The following NKAIN2 variants were observed in gnomAD, a reference collection of about 807,000 sequenced individuals.
The protein encoded by NKAIN2 is sodium/potassium-transporting ATPase subunit beta-1-interacting protein 2.
Under a neutral mutation model 32.6 loss-of-function variants are expected in NKAIN2, and 14 were observed. The ratio of observed to expected loss-of-function variants is 0.43; its 90% CI spans 0.28 to 0.67. The LOEUF (loss-of-function observed/expected upper bound fraction) is 0.67. Ranked by LOEUF, NKAIN2 falls within the 30% of genes least tolerant of loss-of-function variation. The probability of loss-of-function intolerance (pLI) is 0.17; values close to 1 mark genes in which losing one functional copy is unlikely to be tolerated. For synonymous variants in NKAIN2, 80 were observed against 87.2 expected (o/e 0.92, Z 0.46); for missense variants, 198 against 258.3 (o/e 0.77, Z 1.60).
intron 5 of NKAIN2, among the ~76,000 whole-genome samples, chr6:124,817,226 TTA>T (rs959439319): frequency 9.9e-5 from 15 of 152,164 alleles, no homozygotes; most frequent in African/African-American, 3.6e-4. Flanking sequence ...TCTTAAAACA[TTA>T]TGAGATTTTT....
intron 3 of NKAIN2, among the ~76,000 whole-genome samples, chr6:124,406,847 A>G (rs1562162031): frequency 1.3e-5 from 2 of 152,108 alleles, no homozygotes; most frequent in Admixed American, 6.6e-5. Flanking sequence ...CATCTTCTCA[A>G]GTGCTACTTT....
chr6:124,532,984 G>A lies in NKAIN2; in HGVS notation c.274-125202G>A, dbSNP rs529115001. Among the ~76,000 whole-genome samples the A allele has an allele frequency of 1.7e-4, 26 of 152,288 alleles. 1 individual carries two copies. In the South Asian group the frequency reaches 5.0e-3, roughly 29 times the overall value. ...GGAGCTGGGTTTGCTTCCTGGTGAT[G>A]AGGCGCTGTGCTCAGGGTGGGGTTA... On this transcript the variant is annotated intron_variant, in intron 3 of 6. Coordinates refer to ENST00000368417, the MANE Select transcript of NKAIN2 (RefSeq NM_001040214.3).
chr6:124,696,295 CAG>C (rs1184414586), intron 4 of NKAIN2, among the ~76,000 whole-genome samples: 2 of 152,136 alleles, frequency 1.3e-5, no homozygotes, highest in Admixed American at 6.5e-5. Flanking sequence ...AGGAGAAGCT[CAG>C]AGAGAGAGTT....
chr6:124,498,056 A>T (rs1175096312), intron 3 of NKAIN2, among the ~76,000 whole-genome samples: 1 of 152,140 alleles, frequency 6.6e-6, no homozygotes, highest in Non-Finnish European at 1.5e-5. Flanking sequence ...AAGAATATAT[A>T]TAGTTGAGAA....
intron 3 of NKAIN2, among the ~76,000 whole-genome samples, chr6:124,511,378 T>G (rs1778706160): frequency 6.6e-6 from 1 of 152,202 alleles, no homozygotes; most frequent in Non-Finnish European, 1.5e-5. Context: ...GTTCAGGATG[T>G]TTTTCTTCAA....
At chr6:124,811,726 C>T (rs1168441476) in intron 5 of NKAIN2, among the ~76,000 whole-genome samples, 1 of 152,102 alleles carries the variant, frequency 6.6e-6, no homozygotes, top group East Asian at 1.9e-4. Flanking sequence ...AAAATGATAG[C>T]ATTCCAAGTT....
intron 3 of NKAIN2, among the ~76,000 whole-genome samples, chr6:124,418,540 G>A (rs1190599071): frequency 6.8e-6 from 1 of 146,250 alleles, no homozygotes; most frequent in Non-Finnish European, 1.5e-5. Flanking sequence ...AAACAAAAGG[G>A]ATTATATATT....
chr6:124,817,318 C>T (rs1334537426), intron 5 of NKAIN2, among the ~76,000 whole-genome samples: 2 of 151,900 alleles, frequency 1.3e-5, no homozygotes, highest in Admixed American at 6.6e-5. Context: ...TCTTCTTCTT[C>T]TAATGTGGCC....
At chr6:124,098,359 T>A (rs1174310686) in intron 1 of NKAIN2, among the ~76,000 whole-genome samples, 1 of 152,160 alleles carries the variant, frequency 6.6e-6, no homozygotes, top group African/African-American at 2.4e-5. Flanking sequence ...TCAACAGATT[T>A]AACTTCAAGC....
chr6:124,583,307 T>G (rs1244701548), intron 3 of NKAIN2, among the ~76,000 whole-genome samples: 1 of 148,776 alleles, frequency 6.7e-6, no homozygotes, highest in African/African-American at 2.5e-5. Context: ...TAAAAATCAG[T>G]AGCATTTATA....
At chr6:124,469,561 T>A (rs1776891860) in intron 3 of NKAIN2, among the ~76,000 whole-genome samples, 1 of 152,206 alleles carries the variant, frequency 6.6e-6, no homozygotes, top group Non-Finnish European at 1.5e-5. Context: ...GGTCCTTTTT[T>A]ATTTTGCTAA....
chr6:124,791,116 A>G (rs1366352547), intron 4 of NKAIN2, among the ~76,000 whole-genome samples: 2 of 152,172 alleles, frequency 1.3e-5, no homozygotes, highest in Non-Finnish European at 2.9e-5. Context: ...TCTTACACAT[A>G]AATGCAGGTC....
At chr6:124,338,352 C>G (rs1307296700) in intron 2 of NKAIN2, among the ~76,000 whole-genome samples, 2 of 152,100 alleles carry the variant, frequency 1.3e-5, no homozygotes, top group African/African-American at 4.8e-5. Context: ...TTTAAGGGAG[C>G]AATGATAGGT....
At chr6:124,268,656 TCAAAG>T (rs1794612112) in intron 1 of NKAIN2, among the ~76,000 whole-genome samples, 1 of 151,872 alleles carries the variant, frequency 6.6e-6, no homozygotes, top group African/African-American at 2.4e-5. Context: ...AAATCATACT[TCAAAG>T]CAAAATATAA....
chr6:124,085,448 AG>A (rs1784153045), intron 1 of NKAIN2, among the ~76,000 whole-genome samples: 1 of 151,746 alleles, frequency 6.6e-6, no homozygotes, highest in African/African-American at 2.4e-5. Context: ...GAAAAGTTGG[AG>A]GATAGGTAGG....
intron 1 of NKAIN2, among the ~76,000 whole-genome samples, chr6:124,192,785 T>A (rs1219118974): frequency 1.4e-5 from 2 of 140,246 alleles, no homozygotes; most frequent in Non-Finnish European, 3.1e-5. Flanking sequence ...AGTCTCGCTC[T>A]GTCGCCCAGG....
chr6:124,145,650 T>C (rs1333338960), intron 1 of NKAIN2, among the ~76,000 whole-genome samples: 1 of 151,838 alleles, frequency 6.6e-6, no homozygotes, highest in African/African-American at 2.4e-5. Context: ...GGACTACAGG[T>C]GCCCGCCACC....
At chr6:124,063,134 G>A (rs1252729265) in intron 1 of NKAIN2, among the ~76,000 whole-genome samples, 4 of 151,690 alleles carry the variant, frequency 2.6e-5, no homozygotes, top group Non-Finnish European at 5.9e-5. Flanking sequence ...GCAGTGAGCC[G>A]AGATCATGCC....
chr6:123,930,945 G>C (rs1040647653), intron 1 of NKAIN2, among the ~76,000 whole-genome samples: 1 of 152,116 alleles, frequency 6.6e-6, no homozygotes. Context: ...ATTCTGGACA[G>C]TCATAATCTC....
Sources: allele counts gnomAD v4.1 joint callset (sites outside exome capture counted in the v4.1 genomes callset), GRCh38; gene constraint gnomAD v4.1.1; transcripts MANE v1.5; gene names NCBI Gene and HGNC (gene_info 2026-07-23, HGNC 2026-07-21).